CCDC148: variants seen among roughly 807,000 people sequenced by gnomAD.
CCDC148 encodes the protein coiled-coil domain-containing protein 148.
Under a neutral mutation model 85.7 loss-of-function variants are expected in CCDC148, and 89 were observed. The ratio of observed to expected loss-of-function variants is 1.04; its 90% CI spans 0.87 to 1.24. The LOEUF (loss-of-function observed/expected upper bound fraction) is 1.24, where lower values mean the gene tolerates loss of function less well. Among genes scored for constraint, CCDC148 ranks in the 50% most tolerant of loss-of-function variants. The pLI is 0.00. For missense variants in CCDC148, 692 were observed against 671.7 expected, an observed-to-expected ratio of 1.03 and a Z score of -0.33; for synonymous variants, 230 against 213.9, an observed-to-expected ratio of 1.08 and a Z score of -0.66.
intron 9 of CCDC148, among the ~76,000 whole-genome samples, chr2:158,283,991 T>G (rs560504796): frequency 2.0e-5 from 3 of 149,860 alleles, no homozygotes; most frequent in South Asian, 2.1e-4. Context: ...ATGGATGAAA[T>G]TGGAAATCAT....
intron 9 of CCDC148, among the ~76,000 whole-genome samples, chr2:158,284,573 A>G (rs1690525286): frequency 6.6e-6 from 1 of 152,196 alleles, no homozygotes; most frequent in South Asian, 2.1e-4. Context: ...ATCTGAGTGA[A>G]AAACTGCAGC....
intron 1 of CCDC148, chr2:158,381,000 T>C (rs1178940381): frequency 6.6e-6 from 1 of 152,162 alleles, no homozygotes; most frequent in Non-Finnish European, 1.5e-5. Flanking sequence ...ATGTGAAAGA[T>C]AAAAATGAGC....
intron 9 of CCDC148, among the ~76,000 whole-genome samples, chr2:158,280,661 A>T (rs532964325): frequency 6.6e-6 from 1 of 152,156 alleles, no homozygotes; most frequent in Non-Finnish European, 1.5e-5. Flanking sequence ...GACTTAGACT[A>T]CCACACATTA....
Position 158,309,570 on chromosome 2 carries a change from A to T in CCDC148, c.973T>A (p.Trp325Arg). 3 of 1,613,806 alleles carry T rather than the reference A, an allele frequency of 1.9e-6. No individual in the cohort carries two copies. The highest frequency in any genetic ancestry group is 2.5e-6 in the Non-Finnish European group (3 of 1,179,736). Residue 325 changes from tryptophan to arginine, a missense_variant, in exon 9 of 14, where the codon TGG becomes AGG. Coordinates refer to ENST00000283233, the MANE Select transcript of CCDC148 (RefSeq NM_138803.4). Reference protein sequence around the residue: ...IEQQNILISNWNKNKKDFIQK... With the variant: ...IEQQNILISNRNKNKKDFIQK... Reference sequence around the variant, plus strand: ...ATAAAGTCTTTCTTATTTTTATTCCAATTTGATATCAGGATATTTTGCTGC... The same window carrying T: ...ATAAAGTCTTTCTTATTTTTATTCCTATTTGATATCAGGATATTTTGCTGC...
chr2:158,178,330 C>T lies in CCDC148; in HGVS notation c.1488+549G>A, dbSNP rs1684696537. 2.0e-5 allele frequency among the ~76,000 whole-genome samples: 3 copies of T among 152,146 alleles called. No individual in the cohort carries two copies. In the South Asian group the frequency reaches 6.2e-4, roughly 31 times the overall value. ...ACTACCAAGTAAAACTATCACATTT[C>T]CTAAGTTCTTAAATTCTCACCCTTG... On this transcript the variant is annotated intron_variant, in intron 12 of 13. Transcript: ENST00000283233.
chr2:158,272,763 T>C (rs1262700736), intron 9 of CCDC148, among the ~76,000 whole-genome samples: 1 of 152,206 alleles, frequency 6.6e-6, no homozygotes, highest in African/African-American at 2.4e-5. Context: ...TACCAACTCC[T>C]ATACTTCTGC....
rs187917640 is a variant in CCDC148 at position 158,311,347 on chromosome 2, T to A, written c.904-1708A>T. Among the ~76,000 whole-genome samples the A allele has an allele frequency of 4.8e-3, 725 of 152,330 alleles. 1 individual carries two copies. Among genetic ancestry groups the A allele is most frequent in the African/African-American group, 0.016 (663 of 41,580 alleles). ...CCAGTCAGGCGTGGCGGCGCGAGCCTGCAATCCCATGCACTCGGCAGGCTG... is the reference window on the plus strand; with the variant it reads ...CCAGTCAGGCGTGGCGGCGCGAGCCAGCAATCCCATGCACTCGGCAGGCTG... On this transcript the variant is annotated intron_variant, in intron 8 of 13. Transcript: ENST00000283233.
intron 9 of CCDC148, among the ~76,000 whole-genome samples, chr2:158,276,750 T>G (rs1450729729): frequency 6.6e-6 from 1 of 152,320 alleles, no homozygotes; most frequent in East Asian, 1.9e-4. Context: ...AAGAAGGCAT[T>G]TGATACGGTC....
chr2:158,297,623 C>T (rs994848542), intron 9 of CCDC148, among the ~76,000 whole-genome samples: 4 of 152,168 alleles, frequency 2.6e-5, no homozygotes, highest in African/African-American at 9.7e-5. Context: ...ACAGCAGAAT[C>T]CACCCTAGAT....
intron 1 of CCDC148, among the ~76,000 whole-genome samples, chr2:158,398,315 A>T (rs1309824790): frequency 6.6e-6 from 1 of 152,178 alleles, no homozygotes; most frequent in Admixed American, 6.5e-5. Flanking sequence ...CCAAATCAAC[A>T]GAATATACAT....
At chr2:158,342,026 C>CTTTTTTTTTTTT (rs1159799812) in intron 3 of CCDC148, among the ~76,000 whole-genome samples, 5 of 62,658 alleles carry the variant, frequency 8.0e-5, no homozygotes, top group Non-Finnish European at 8.0e-5. Context: ...ATTTTCTTTT[C>CTTTTTTTTTTTT]TTTTTTTTTT....
intron 1 of CCDC148, among the ~76,000 whole-genome samples, chr2:158,366,486 A>G (rs976794151): frequency 6.6e-6 from 1 of 152,216 alleles, no homozygotes; most frequent in African/African-American, 2.4e-5. Context: ...GCCAGATCAA[A>G]GGACTCGCTG....
chr2:158,268,918 A>G (rs1170617636), intron 9 of CCDC148, among the ~76,000 whole-genome samples: 1 of 152,148 alleles, frequency 6.6e-6, no homozygotes, highest in African/African-American at 2.4e-5. Context: ...TTTATGGCTG[A>G]ATACTATTCT....
At chr2:158,366,185 T>A in intron 1 of CCDC148, 1 of 695,782 alleles carries the variant, frequency 1.4e-6, no homozygotes, top group Non-Finnish European at 2.2e-6. Flanking sequence ...CTGGGTGCCA[T>A]AATGCTTTTA....
intron 10 of CCDC148, among the ~76,000 whole-genome samples, chr2:158,224,190 G>C (rs1029466478): frequency 6.6e-6 from 1 of 152,030 alleles, no homozygotes; most frequent in Non-Finnish European, 1.5e-5. Context: ...CTCAGTAGCC[G>C]ATCAACTGGA....
intron 1 of CCDC148, among the ~76,000 whole-genome samples, chr2:158,449,991 T>C (rs1160446541): frequency 2.0e-4 from 4 of 19,530 alleles, no homozygotes; most frequent in Non-Finnish European, 3.4e-4. Context: ...GTCATCTTCA[T>C]TTTTTTTTTT....
intron 1 of CCDC148, among the ~76,000 whole-genome samples, chr2:158,408,234 G>A (rs536965063): frequency 1.3e-5 from 2 of 151,748 alleles, no homozygotes; most frequent in East Asian, 3.9e-4. Flanking sequence ...TTTCTTTTCT[G>A]TGGTGAGAAC....
intron 11 of CCDC148, among the ~76,000 whole-genome samples, chr2:158,195,842 G>C (rs1156582873): frequency 6.6e-6 from 1 of 152,156 alleles, no homozygotes; most frequent in Non-Finnish European, 1.5e-5. Flanking sequence ...GCCAGGACAA[G>C]TGCAGAGTGT....
At chr2:158,405,882 A>C (rs1487619117) in intron 1 of CCDC148, among the ~76,000 whole-genome samples, 1 of 144,862 alleles carries the variant, frequency 6.9e-6, no homozygotes, top group African/African-American at 2.5e-5. Context: ...ATATAGGAAA[A>C]ATGTATATGA....
Sources: allele counts gnomAD v4.1 joint callset (sites outside exome capture counted in the v4.1 genomes callset), GRCh38; gene constraint gnomAD v4.1.1; transcripts MANE v1.5; gene names NCBI Gene and HGNC (gene_info 2026-07-23, HGNC 2026-07-21).